CTNNA3: variants seen among roughly 807,000 people sequenced by gnomAD.
CTNNA3 encodes the protein catenin alpha-3.
CTNNA3 carries 76 observed loss-of-function variants against 95.7 expected under a neutral mutation model. The ratio of observed to expected loss-of-function variants is 0.79; its 90% CI spans 0.66 to 0.96. The LOEUF (loss-of-function observed/expected upper bound fraction) is 0.96. Among genes scored for constraint, CTNNA3 ranks in the 40% least tolerant of loss-of-function variants. The pLI, the probability that CTNNA3 is intolerant of heterozygous loss-of-function variation, is 0.00. For synonymous variants in CTNNA3, 431 were observed against 374.4 expected (o/e 1.15, Z -1.74); for missense variants, 1,191 against 1,089.8 (o/e 1.09, Z -1.31).
chr10:66,435,775 C>T (rs777731032), intron 11 of CTNNA3, among the ~76,000 whole-genome samples: 15 of 151,826 alleles, frequency 9.9e-5, no homozygotes, highest in East Asian at 1.9e-4. Flanking sequence ...GATGTTAGGG[C>T]GTCAAATTTA....
At chr10:66,112,606 A>T (rs2082161392) in intron 13 of CTNNA3, among the ~76,000 whole-genome samples, 1 of 152,058 alleles carries the variant, frequency 6.6e-6, no homozygotes, top group African/African-American at 2.4e-5. Context: ...GAAATTTCAT[A>T]ACTTTGGAGC....
chr10:65,980,898 GA>G (rs2078307805), intron 16 of CTNNA3, among the ~76,000 whole-genome samples: 1 of 151,966 alleles, frequency 6.6e-6, no homozygotes, highest in Admixed American at 6.6e-5. Context: ...ACTGAACGGG[GA>G]AAAGTTGAAA....
At chr10:66,899,448 C>T (rs575875335) in intron 7 of CTNNA3, among the ~76,000 whole-genome samples, 6 of 152,282 alleles carry the variant, frequency 3.9e-5, no homozygotes, top group Admixed American at 6.5e-5. Context: ...GCAAGATCGA[C>T]GCAGACCTGC....
At chr10:65,920,932 G>T (rs996352403) in intron 17 of CTNNA3, among the ~76,000 whole-genome samples, 2 of 152,110 alleles carry the variant, frequency 1.3e-5, no homozygotes, top group Admixed American at 1.3e-4. Flanking sequence ...AATAAGTTCT[G>T]CCTCATTTTT....
chr10:67,620,996 T>A (rs1344588325), intron 2 of CTNNA3, among the ~76,000 whole-genome samples: 11 of 148,366 alleles, frequency 7.4e-5, no homozygotes, highest in Non-Finnish European at 7.4e-5. Flanking sequence ...TACAATGAGG[T>A]TAAAAAGGCA....
At chr10:66,379,084 A>G (rs1176360054) in intron 12 of CTNNA3, 68 bp downstream of exon 12, 1 of 1,285,166 alleles carries the variant, frequency 7.8e-7, no homozygotes, top group Non-Finnish European at 1.1e-6. Flanking sequence ...TCCCACATGT[A>G]TGAATATTCG....
chr10:67,599,263 A>C (rs10997747), intron 3 of CTNNA3, among the ~76,000 whole-genome samples: 2 of 152,128 alleles, frequency 1.3e-5, no homozygotes, highest in Non-Finnish European at 2.9e-5. Flanking sequence ...AGAATCCGAA[A>C]CATCTCTTTC....
intron 3 of CTNNA3, among the ~76,000 whole-genome samples, chr10:67,597,245 C>T (rs1364456981): frequency 6.6e-6 from 1 of 152,190 alleles, no homozygotes; most frequent in Non-Finnish European, 1.5e-5. Context: ...CATCCAAATT[C>T]TGAATTCTAT....
intron 17 of CTNNA3, among the ~76,000 whole-genome samples, chr10:65,961,479 T>G (rs1193581549): frequency 6.6e-6 from 1 of 152,148 alleles, no homozygotes; most frequent in African/African-American, 2.4e-5. Flanking sequence ...ATAAATCATG[T>G]AAAAATATTC....
intron 9 of CTNNA3, among the ~76,000 whole-genome samples, chr10:66,744,747 C>G (rs1849445489): frequency 6.6e-6 from 1 of 152,110 alleles, no homozygotes. Context: ...AAATAAAATG[C>G]TTACCAAATG....
intron 7 of CTNNA3, among the ~76,000 whole-genome samples, chr10:66,804,366 C>T (rs1841554142): frequency 6.6e-6 from 1 of 151,962 alleles, no homozygotes; most frequent in African/African-American, 2.4e-5. Flanking sequence ...TGAACTCCAG[C>T]ATCATCCCTA....
chr10:67,467,707 T>TTTA (rs955914415), intron 5 of CTNNA3, among the ~76,000 whole-genome samples: 7 of 151,194 alleles, frequency 4.6e-5, no homozygotes, highest in African/African-American at 7.3e-5. Context: ...TTTTATTTTA[T>TTTA]TTATTATTAT....
chr10:66,391,546 G>A (rs757454019), intron 11 of CTNNA3, among the ~76,000 whole-genome samples: 2 of 151,866 alleles, frequency 1.3e-5, no homozygotes, highest in African/African-American at 2.4e-5. Context: ...TATTAGTGTC[G>A]ATCAGGATAT....
chr10:67,572,597 T>C (rs1181697986), intron 3 of CTNNA3, among the ~76,000 whole-genome samples: 2 of 152,228 alleles, frequency 1.3e-5, no homozygotes, highest in Non-Finnish European at 2.9e-5. Context: ...ATTGATTTTC[T>C]ATGTAATATT....
At chr10:66,354,967 A>C (rs2092597672) in intron 12 of CTNNA3, among the ~76,000 whole-genome samples, 1 of 152,134 alleles carries the variant, frequency 6.6e-6, no homozygotes, top group East Asian at 1.9e-4. Context: ...TTAACTTGGA[A>C]TTACCAGAAA....
intron 9 of CTNNA3, among the ~76,000 whole-genome samples, chr10:66,718,879 C>A (rs1848538672): frequency 1.3e-5 from 2 of 152,070 alleles, no homozygotes. Flanking sequence ...TTGTTAAAAT[C>A]ATTTCAAATA....
intron 1 of CTNNA3, among the ~76,000 whole-genome samples, chr10:67,758,119 C>T (rs539926819): frequency 6.6e-6 from 1 of 152,164 alleles, no homozygotes; most frequent in African/African-American, 2.4e-5. Context: ...CCATCTTTTC[C>T]TGCCCCCAGA....
chr10:66,615,551 A>T (rs952758141), intron 10 of CTNNA3, among the ~76,000 whole-genome samples: 2 of 151,924 alleles, frequency 1.3e-5, no homozygotes, highest in African/African-American at 4.8e-5. Flanking sequence ...TTATTGATTG[A>T]TAAATAATTT....
chr10:66,184,868 C>A (rs2086247490), intron 13 of CTNNA3, among the ~76,000 whole-genome samples: 1 of 152,120 alleles, frequency 6.6e-6, no homozygotes, highest in African/African-American at 2.4e-5. Flanking sequence ...TAGTGTTCAC[C>A]AGATACACCT....
Sources: allele counts gnomAD v4.1 joint callset (sites outside exome capture counted in the v4.1 genomes callset), GRCh38; gene constraint gnomAD v4.1.1; transcripts MANE v1.5; gene names NCBI Gene and HGNC (gene_info 2026-07-23, HGNC 2026-07-21).